ACYP2: variants seen among roughly 807,000 people sequenced by gnomAD.
ACYP2 encodes acylphosphatase 2.
A neutral mutation model predicts 11.2 loss-of-function variants in ACYP2; 12 were observed. That is an observed-to-expected ratio of 1.08 (90% confidence interval 0.69 to 1.74). The LOEUF (loss-of-function observed/expected upper bound fraction) is 1.74, where lower values mean the gene tolerates loss of function less well. Among genes scored for constraint, ACYP2 ranks in the 40% most tolerant of loss-of-function variants. The pLI is 0.00. For missense variants in ACYP2, 134 were observed against 101.9 expected (o/e 1.31, Z -1.35); for synonymous variants, 43 against 32.2 (o/e 1.33, Z -1.13).
intron 6 of ACYP2, among the ~76,000 whole-genome samples, chr2:54,224,267 C>T (rs1488741373): frequency 2.6e-5 from 4 of 152,144 alleles, no homozygotes; most frequent in East Asian, 3.9e-4. Context: ...CAGCAGTTCC[C>T]GAACTCTTGT....
chr2:54,217,971 T>C (rs2103943354), intron 6 of ACYP2, among the ~76,000 whole-genome samples: 1 of 152,340 alleles, frequency 6.6e-6, no homozygotes, highest in Middle Eastern at 3.4e-3. Flanking sequence ...GTAATATTGC[T>C]ACCATTATGC....
intron 2 of ACYP2, among the ~76,000 whole-genome samples, chr2:53,974,804 C>G (rs1324030305): frequency 1.3e-5 from 2 of 152,130 alleles, no homozygotes; most frequent in Non-Finnish European, 2.9e-5. Context: ...CATTATCTCA[C>G]TGAATTCTCT....
intron 4 of ACYP2, among the ~76,000 whole-genome samples, chr2:54,069,744 T>G (rs1046531667): frequency 6.6e-5 from 10 of 152,170 alleles, no homozygotes; most frequent in African/African-American, 2.2e-4. Context: ...TGCTACCATA[T>G]TTTGAACACA....
chr2:54,177,600 C>T (rs1429045258), intron 6 of ACYP2, among the ~76,000 whole-genome samples: 15 of 116,442 alleles, frequency 1.3e-4, no homozygotes, highest in Admixed American at 1.5e-4. Flanking sequence ...TTTCTGGAAA[C>T]GGAGTCTCAC....
intron 6 of ACYP2, among the ~76,000 whole-genome samples, chr2:54,273,427 T>G (rs1225246571): frequency 2.6e-4 from 40 of 152,224 alleles, no homozygotes; most frequent in Admixed American, 2.6e-3. Context: ...TTTTTAAACT[T>G]AAAATCTCAT....
At chr2:54,142,703 A>G (rs1681674587) in intron 6 of ACYP2, 1 of 152,198 alleles carries the variant, frequency 6.6e-6, no homozygotes, top group Admixed American at 6.5e-5. Flanking sequence ...AGTCTGGGCA[A>G]TGGGAGTAGC....
intron 4 of ACYP2, chr2:54,115,412 T>C (rs768761841): frequency 2.8e-5 from 18 of 650,952 alleles, no homozygotes; most frequent in Middle Eastern, 4.2e-4. Context: ...AATTAAATGG[T>C]AGGGAGCGCT....
At chr2:54,125,860 C>G (rs1283862021) in intron 4 of ACYP2, among the ~76,000 whole-genome samples, 1 of 151,990 alleles carries the variant, frequency 6.6e-6, no homozygotes, top group Non-Finnish European at 1.5e-5. Context: ...GGTGGGCAAT[C>G]ACTTGAGGTC....
chr2:54,122,906 G>C (rs539950205), intron 4 of ACYP2, among the ~76,000 whole-genome samples: 15 of 152,302 alleles, frequency 9.8e-5, no homozygotes, highest in Non-Finnish European at 1.8e-4. Context: ...AAAGAGTAAA[G>C]CGGAGTTTTA....
chr2:54,034,922 A>G (rs533585578), intron 2 of ACYP2, among the ~76,000 whole-genome samples: 3 of 150,158 alleles, frequency 2.0e-5, no homozygotes, highest in South Asian at 4.3e-4. Flanking sequence ...AGGCAGGAGA[A>G]TCGCTTGAAC....
intron 4 of ACYP2, among the ~76,000 whole-genome samples, chr2:54,060,376 T>C (rs1002727459): frequency 2.0e-5 from 3 of 151,936 alleles, no homozygotes; most frequent in Non-Finnish European, 2.9e-5. Context: ...ATAAACTTAT[T>C]CTTGTTCTGA....
intron 4 of ACYP2, among the ~76,000 whole-genome samples, chr2:54,081,649 C>T (rs958876840): frequency 1.3e-5 from 2 of 152,182 alleles, no homozygotes; most frequent in Admixed American, 1.3e-4. Flanking sequence ...AACGTTAAGG[C>T]TATTCACAAT....
intron 6 of ACYP2, among the ~76,000 whole-genome samples, chr2:54,194,486 G>A (rs889893753): frequency 6.6e-5 from 10 of 152,000 alleles, no homozygotes; most frequent in African/African-American, 2.2e-4. Flanking sequence ...TTTTCATCCA[G>A]GAGGCACGTT....
rs181854264 is a variant in ACYP2, at chr2:54,014,549, G to C, written c.63-36409G>C. On this transcript the variant is annotated intron_variant, in intron 2 of 6. Coordinates refer to ENST00000607452, the MANE Select transcript of ACYP2 (RefSeq NM_001320586.2). Reference sequence around the variant, plus strand: ...TTGGCCAGGCTGGTCTCAAACTCCTGACCTTAAGTGATCCGCCCACCTTGG... The same window carrying C: ...TTGGCCAGGCTGGTCTCAAACTCCTCACCTTAAGTGATCCGCCCACCTTGG... Among the ~76,000 whole-genome samples the C allele has an allele frequency of 6.6e-5, 10 of 152,184 alleles. No homozygotes were observed. The East Asian group carries it at 1.9e-3, about 30-fold the overall frequency.
At chr2:54,271,288 A>G (rs1345124316) in intron 6 of ACYP2, among the ~76,000 whole-genome samples, 6 of 152,220 alleles carry the variant, frequency 3.9e-5, no homozygotes, top group Admixed American at 6.5e-5. Context: ...CATAGTTTCT[A>G]TAATCCCTTA....
intron 2 of ACYP2, among the ~76,000 whole-genome samples, chr2:54,018,494 A>T (rs1673817619): frequency 6.7e-6 from 1 of 148,732 alleles, no homozygotes; most frequent in Non-Finnish European, 1.5e-5. Flanking sequence ...AGATGAACAG[A>T]ATAAAAGGCA....
At chr2:54,044,733 G>A (rs537497168) in intron 2 of ACYP2, among the ~76,000 whole-genome samples, 1 of 152,212 alleles carries the variant, frequency 6.6e-6, no homozygotes, top group Non-Finnish European at 1.5e-5. Context: ...AGGGAGTAAT[G>A]CATGACACCA....
intron 2 of ACYP2, among the ~76,000 whole-genome samples, chr2:53,974,156 C>T (rs1295657633): frequency 5.9e-5 from 9 of 151,922 alleles, no homozygotes; most frequent in Middle Eastern, 3.4e-3. Context: ...CCTCGTGATC[C>T]GCCCGCCTTG....
chr2:54,295,399 C>T (rs929308599), intron 6 of ACYP2, among the ~76,000 whole-genome samples: 6 of 152,126 alleles, frequency 3.9e-5, no homozygotes, highest in Non-Finnish European at 8.8e-5. Flanking sequence ...GTAATAAGAG[C>T]AAATATTTCT....
Sources: allele counts gnomAD v4.1 joint callset (sites outside exome capture counted in the v4.1 genomes callset), GRCh38; gene constraint gnomAD v4.1.1; transcripts MANE v1.5; gene names NCBI Gene and HGNC (gene_info 2026-07-23, HGNC 2026-07-21).